Variants in TMCO5A observed in about 807,000 individuals in gnomAD.
TMCO5A encodes transmembrane and coiled-coil domain-containing protein 5A.
A neutral mutation model predicts 42.3 loss-of-function variants in TMCO5A; 34 were observed. The ratio of observed to expected loss-of-function variants is 0.80; its 90% CI spans 0.61 to 1.07. The LOEUF (loss-of-function observed/expected upper bound fraction) is 1.07. TMCO5A is among the 50% of genes least tolerant of loss of function. The probability of loss-of-function intolerance (pLI) is 0.00; values close to 1 mark genes in which losing one functional copy is unlikely to be tolerated. For missense variants in TMCO5A, 357 were observed against 327.9 expected, an observed-to-expected ratio of 1.09 and a Z score of -0.69; for synonymous variants, 131 against 115.6, an observed-to-expected ratio of 1.13 and a Z score of -0.86.
chr15:37,935,793 G>A (rs1427298401), intron 2 of TMCO5A, among the ~76,000 whole-genome samples: 3 of 152,062 alleles, frequency 2.0e-5, no homozygotes, highest in African/African-American at 7.2e-5. Context: ...TTCAAACTTT[G>A]TAGCAGGCAA....
chr15:38,008,360 G>A, the TMCO5A span, among the ~76,000 whole-genome samples: 2 of 152,120 alleles, frequency 1.3e-5, no homozygotes, highest in Non-Finnish European at 2.9e-5. Flanking sequence ...GATAAAGTGT[G>A]GTTGTCAATA....
chr15:37,957,028 C>A (rs1298195132), intron 11 of TMCO5A, among the ~76,000 whole-genome samples: 1 of 152,052 alleles, frequency 6.6e-6, no homozygotes, highest in Non-Finnish European at 1.5e-5. Context: ...AGGTTTTCGA[C>A]AAAATTCAAC....
the TMCO5A span, among the ~76,000 whole-genome samples, chr15:37,984,369 A>T: frequency 2.0e-5 from 3 of 152,186 alleles, no homozygotes; most frequent in Non-Finnish European, 4.4e-5. Context: ...AGACTCTGAA[A>T]TCTAAGTTGG....
chr15:38,000,991 T>G, the TMCO5A span, among the ~76,000 whole-genome samples: 1 of 152,102 alleles, frequency 6.6e-6, no homozygotes, highest in Non-Finnish European at 1.5e-5. Context: ...GGATGAAATG[T>G]TCTGTAAATA....
chr15:37,936,784 G>A (rs962696201), intron 3 of TMCO5A, 63 bp from the exon 4 acceptor site: 8 of 1,599,500 alleles, frequency 5.0e-6, no homozygotes, highest in South Asian at 3.3e-5. Context: ...TCTGAAATCT[G>A]TGTTTTATCA....
At chr15:38,005,395 C>CAAAA in the TMCO5A span, among the ~76,000 whole-genome samples, 25 of 44,028 alleles carry the variant, frequency 5.7e-4, no homozygotes, top group African/African-American at 1.8e-3. Context: ...CCATCTCTAC[C>CAAAA]AAAAAAAAAA....
the TMCO5A span, among the ~76,000 whole-genome samples, chr15:37,976,780 CTTTT>C: frequency 7.0e-6 from 1 of 142,128 alleles, no homozygotes. Context: ...TTCTTTCTTT[CTTTT>C]TCTTCTTTCT....
At chr15:38,037,121 C>A in the TMCO5A span, among the ~76,000 whole-genome samples, 1 of 152,088 alleles carries the variant, frequency 6.6e-6, no homozygotes, top group Non-Finnish European at 1.5e-5. Context: ...TGTGGAAATA[C>A]CAGCGAGGTG....
rs1889474173 is a variant in TMCO5A, at chr15:37,935,352, C to T, written c.-11+4C>T. On this transcript the variant is annotated splice_donor_region_variant and intron_variant, in intron 2 of 11. Transcript: ENST00000319669. Reference sequence around the variant, plus strand: ...CAGAGACCAAGGTGTAAAGCAGGTTCGCTATTGACCCCTTGCCTCATCTTC... The same window carrying T: ...CAGAGACCAAGGTGTAAAGCAGGTTTGCTATTGACCCCTTGCCTCATCTTC... The T allele has an allele frequency of 6.6e-6, 1 of 152,054 alleles. No individual in the cohort carries two copies. The highest frequency in any genetic ancestry group is 2.1e-4 in the South Asian group (1 of 4,822). 9.4% of individuals were successfully genotyped at this position (152,054 alleles called of 1,614,324 possible).
the TMCO5A span, among the ~76,000 whole-genome samples, chr15:38,008,675 C>T: frequency 3.4e-3 from 517 of 152,242 alleles, 2 homozygotes; most frequent in African/African-American, 0.011. Flanking sequence ...GTGCCAGGCA[C>T]GAGGTCAACT....
intron 11 of TMCO5A, among the ~76,000 whole-genome samples, chr15:37,963,892 C>A (rs1266557217): frequency 6.6e-6 from 1 of 151,974 alleles, no homozygotes; most frequent in Non-Finnish European, 1.5e-5. Flanking sequence ...AATATTTCTC[C>A]CTTCACTTCT....
At chr15:37,994,011 C>T in the TMCO5A span, among the ~76,000 whole-genome samples, 1 of 152,198 alleles carries the variant, frequency 6.6e-6, no homozygotes, top group Admixed American at 6.5e-5. Flanking sequence ...GCTTCCTGCT[C>T]TACCATCTTC....
the TMCO5A span, among the ~76,000 whole-genome samples, chr15:38,010,031 T>C: frequency 2.6e-5 from 4 of 152,208 alleles, no homozygotes; most frequent in Middle Eastern, 6.8e-3. Context: ...AGAGATGATC[T>C]GGATTATTAA....
downstream of TMCO5A, among the ~76,000 whole-genome samples, chr15:37,968,028 T>C (rs1016068807): frequency 3.9e-5 from 6 of 152,226 alleles, no homozygotes; most frequent in Non-Finnish European, 7.3e-5. Context: ...AACCAGGATG[T>C]ATTGTTACCT....
the TMCO5A span, among the ~76,000 whole-genome samples, chr15:38,033,934 T>G: frequency 6.6e-6 from 1 of 152,170 alleles, no homozygotes; most frequent in Non-Finnish European, 1.5e-5. Flanking sequence ...TCTTAGTCCA[T>G]TTTCTGTTGA....
chr15:37,940,315 C>G (rs1365035327), intron 6 of TMCO5A, among the ~76,000 whole-genome samples: 1 of 152,142 alleles, frequency 6.6e-6, no homozygotes, highest in African/African-American at 2.4e-5. Context: ...CCCTACCTAC[C>G]AATTTCCCTT....
At chr15:37,936,161 A>G (rs1238909611) in intron 2 of TMCO5A, 153 bp from the exon 3 acceptor site, 18 of 872,736 alleles carry the variant, frequency 2.1e-5, no homozygotes, top group Non-Finnish European at 3.0e-5. Context: ...GTAGAGCATG[A>G]TCAAGAAATG....
the TMCO5A span, among the ~76,000 whole-genome samples, chr15:37,986,566 T>C: frequency 5.5e-4 from 84 of 152,170 alleles, 2 homozygotes; most frequent in Middle Eastern, 3.4e-3. Flanking sequence ...GAGGTCTTTT[T>C]ATCTTGCAAA....
the TMCO5A span, among the ~76,000 whole-genome samples, chr15:37,984,375 G>A: frequency 6.6e-6 from 1 of 152,260 alleles, no homozygotes; most frequent in South Asian, 2.1e-4. Context: ...TGAAATCTAA[G>A]TTGGTGGAAA....
Sources: gnomAD v4.1 joint callset for allele counts (sites outside exome capture counted in the v4.1 genomes callset) on GRCh38, gnomAD v4.1.1 for gene constraint, MANE v1.5 for transcripts, NCBI Gene and HGNC (gene_info 2026-07-23, HGNC 2026-07-21) for gene names.